WWOX: variants seen among roughly 807,000 people sequenced by gnomAD.
WWOX encodes WW domain containing oxidoreductase, also known as WW domain-containing oxidoreductase.
Under a neutral mutation model 46.2 loss-of-function variants are expected in WWOX, and 69 were observed. The observed-to-expected ratio is 1.49, with a 90% confidence interval of 1.23 to 1.82. The LOEUF (loss-of-function observed/expected upper bound fraction) is 1.82, where lower values mean the gene tolerates loss of function less well. WWOX is among the 40% of genes most tolerant of loss of function. The pLI is 0.00. For synonymous variants in WWOX, 359 were observed against 202.6 expected, an observed-to-expected ratio of 1.77 and a Z score of -6.56; for missense variants, 919 against 542.6, an observed-to-expected ratio of 1.69 and a Z score of -6.89.
At chr16:78,307,822 T>G (rs1240190248) in intron 5 of WWOX, among the ~76,000 whole-genome samples, 2 of 152,174 alleles carry the variant, frequency 1.3e-5, no homozygotes, top group Non-Finnish European at 2.9e-5. Context: ...CTCCTTACTC[T>G]TCTCCTTTTA....
intron 8 of WWOX, among the ~76,000 whole-genome samples, chr16:78,754,614 A>C (rs1455005567): frequency 6.6e-6 from 1 of 152,120 alleles, no homozygotes; most frequent in South Asian, 2.1e-4. Flanking sequence ...TGGATGTTTT[A>C]ATTATATAAA....
chr16:78,676,737 C>A (rs755639398), intron 8 of WWOX, among the ~76,000 whole-genome samples: 1 of 152,174 alleles, frequency 6.6e-6, no homozygotes, highest in African/African-American at 2.4e-5. Flanking sequence ...CATTTATACT[C>A]GTTTCAGCTA....
intron 5 of WWOX, among the ~76,000 whole-genome samples, chr16:78,371,157 A>C (rs900227028): frequency 2.0e-5 from 3 of 152,142 alleles, no homozygotes; most frequent in Non-Finnish European, 4.4e-5. Context: ...AGTTAAGTTG[A>C]TACGCACAGT....
intron 8 of WWOX, among the ~76,000 whole-genome samples, chr16:78,961,021 T>C (rs1253044387): frequency 1.3e-5 from 2 of 152,160 alleles, no homozygotes; most frequent in African/African-American, 4.8e-5. Context: ...GAGATGTCTG[T>C]AAAAGTAATC....
chr16:78,141,634 A>C (rs998581161), intron 4 of WWOX, among the ~76,000 whole-genome samples: 1 of 152,174 alleles, frequency 6.6e-6, no homozygotes, highest in East Asian at 1.9e-4. Context: ...AGTTACGTAG[A>C]CATACTTCCA....
intron 8 of WWOX, among the ~76,000 whole-genome samples, chr16:78,947,479 G>C (rs1277147977): frequency 6.6e-6 from 1 of 152,188 alleles, no homozygotes; most frequent in African/African-American, 2.4e-5. Flanking sequence ...TCTTCTTGCA[G>C]GGGAGGGCTG....
At chr16:78,410,445 G>C (rs997011976) in intron 6 of WWOX, among the ~76,000 whole-genome samples, 1 of 151,998 alleles carries the variant, frequency 6.6e-6, no homozygotes, top group Non-Finnish European at 1.5e-5. Flanking sequence ...TACTATTTTT[G>C]TGACTCAGGA....
chr16:78,361,670 G>A (rs901217183), intron 5 of WWOX, among the ~76,000 whole-genome samples: 10 of 152,242 alleles, frequency 6.6e-5, no homozygotes, highest in African/African-American at 1.9e-4. Flanking sequence ...GGAGTGTAAT[G>A]GTGCGATATC....
chr16:78,958,520 G>C (rs1422870059), intron 8 of WWOX, among the ~76,000 whole-genome samples: 1 of 152,206 alleles, frequency 6.6e-6, no homozygotes, highest in Non-Finnish European at 1.5e-5. Flanking sequence ...ATAGCAGGTA[G>C]TTTTGCCAAT....
chr16:78,944,134 C>G (rs1332822596), intron 8 of WWOX, among the ~76,000 whole-genome samples: 1 of 152,106 alleles, frequency 6.6e-6, no homozygotes, highest in Non-Finnish European at 1.5e-5. Context: ...ATTGTCTGAG[C>G]CTATGATAAG....
chr16:78,965,009 T>C (rs903458376), intron 8 of WWOX, among the ~76,000 whole-genome samples: 2 of 152,092 alleles, frequency 1.3e-5, no homozygotes, highest in Non-Finnish European at 2.9e-5. Flanking sequence ...TTTCAGAAAA[T>C]ATATGGAAAC....
chr16:79,170,089 G>C (rs1326528196), intron 8 of WWOX, among the ~76,000 whole-genome samples: 1 of 152,080 alleles, frequency 6.6e-6, no homozygotes, highest in Non-Finnish European at 1.5e-5. Context: ...TAACATGTCT[G>C]GTGAAAATAC....
intron 8 of WWOX, among the ~76,000 whole-genome samples, chr16:79,136,855 T>A (rs1266802467): frequency 6.6e-6 from 1 of 152,260 alleles, no homozygotes; most frequent in Admixed American, 6.5e-5. Context: ...ATATGTGTAA[T>A]CATATTTGTT....
At chr16:78,352,002 A>G (rs983109142) in intron 5 of WWOX, among the ~76,000 whole-genome samples, 1 of 152,100 alleles carries the variant, frequency 6.6e-6, no homozygotes, top group African/African-American at 2.4e-5. Flanking sequence ...CAAACACTCA[A>G]ATGTTTGGTG....
At chr16:78,800,493 C>T (rs962593543) in intron 8 of WWOX, among the ~76,000 whole-genome samples, 5 of 152,096 alleles carry the variant, frequency 3.3e-5, no homozygotes, top group East Asian at 1.9e-4. Context: ...CTTTCTCCTA[C>T]GAATTTGGAG....
At chr16:78,907,941 G>C (rs2045008976) in intron 8 of WWOX, among the ~76,000 whole-genome samples, 1 of 152,192 alleles carries the variant, frequency 6.6e-6, no homozygotes, top group Admixed American at 6.5e-5. Context: ...GAACAGATGA[G>C]AAAGGGGAGG....
intron 8 of WWOX, among the ~76,000 whole-genome samples, chr16:78,509,753 G>C (rs11860928): frequency 3.3e-4 from 50 of 152,106 alleles, no homozygotes; most frequent in African/African-American, 1.0e-3. Flanking sequence ...TAATAATGCA[G>C]ATTAAATTGA....
At chr16:79,166,291 G>C (rs570787533) in intron 8 of WWOX, among the ~76,000 whole-genome samples, 1 of 152,042 alleles carries the variant, frequency 6.6e-6, no homozygotes, top group South Asian at 2.1e-4. Flanking sequence ...TTTCAGCCAG[G>C]GCTTTTCCAG....
chr16:78,304,195 AAC>A (rs2080092557), intron 5 of WWOX, among the ~76,000 whole-genome samples: 2 of 152,202 alleles, frequency 1.3e-5, no homozygotes, highest in Admixed American at 1.3e-4. Flanking sequence ...ATTCGTTAAT[AAC>A]CAGGACATCT....
Sources: gnomAD v4.1 joint callset for allele counts (sites outside exome capture counted in the v4.1 genomes callset) on GRCh38, gnomAD v4.1.1 for gene constraint, MANE v1.5 for transcripts, NCBI Gene and HGNC (gene_info 2026-07-23, HGNC 2026-07-21) for gene names.